Variants in BACH2 observed in about 807,000 individuals in gnomAD.
BACH2 encodes transcription regulator protein BACH2.
A neutral mutation model predicts 61.8 loss-of-function variants in BACH2; 5 were observed. The ratio of observed to expected loss-of-function variants is 0.08; its 90% CI spans 0.04 to 0.17. The LOEUF (loss-of-function observed/expected upper bound fraction) is 0.17. BACH2 is among the 10% of genes least tolerant of loss of function. The pLI, the probability that BACH2 is intolerant of heterozygous loss-of-function variation, is 1.00. For missense variants in BACH2, 824 were observed against 1,091.1 expected, an observed-to-expected ratio of 0.76 and a Z score of 3.45; for synonymous variants, 446 against 440.1, an observed-to-expected ratio of 1.01 and a Z score of -0.17.
At chr6:90,230,641 T>C (rs1489933528) in intron 3 of BACH2, among the ~76,000 whole-genome samples, 1 of 151,962 alleles carries the variant, frequency 6.6e-6, no homozygotes, top group Non-Finnish European at 1.5e-5. Context: ...TATTAAGAGG[T>C]CCCACTAACA....
At chr6:90,013,708 C>T (rs562890177) in intron 5 of BACH2, among the ~76,000 whole-genome samples, 1 of 152,062 alleles carries the variant, frequency 6.6e-6, no homozygotes, top group African/African-American at 2.4e-5. Context: ...CAGGGTTTCA[C>T]CATGTTAGCC....
At chr6:89,975,907 T>C (rs1372164845) in intron 6 of BACH2, among the ~76,000 whole-genome samples, 2 of 152,252 alleles carry the variant, frequency 1.3e-5, no homozygotes, top group African/African-American at 4.8e-5. Flanking sequence ...ATACAGTCTA[T>C]GTGTTTCAGG....
intron 4 of BACH2, among the ~76,000 whole-genome samples, chr6:90,123,220 G>C (rs892124641): frequency 1.3e-5 from 2 of 152,140 alleles, no homozygotes; most frequent in Admixed American, 6.5e-5. Context: ...AAGAGAAGAA[G>C]ACAGAAGTGG....
At chr6:90,017,524 A>G (rs964705443) in intron 5 of BACH2, among the ~76,000 whole-genome samples, 12 of 152,078 alleles carry the variant, frequency 7.9e-5, no homozygotes, top group African/African-American at 2.9e-4. Flanking sequence ...GCCTAGCCAC[A>G]TTGGTTATTT....
intron 4 of BACH2, among the ~76,000 whole-genome samples, chr6:90,092,210 T>C (rs1782186236): frequency 6.7e-6 from 1 of 149,658 alleles, no homozygotes; most frequent in African/African-American, 2.5e-5. Flanking sequence ...ATTTTAAAAA[T>C]ATACTTCGAA....
At chr6:90,158,765 T>TGG (rs35179212) in intron 4 of BACH2, among the ~76,000 whole-genome samples, 2,751 of 137,064 alleles carry the variant, frequency 0.02, 46 homozygotes, top group African/African-American at 0.047. Flanking sequence ...CTTCTTTTGG[T>TGG]GGGGGGGGGG....
chr6:90,096,222 G>A (rs1031911830), intron 4 of BACH2, among the ~76,000 whole-genome samples: 5 of 152,152 alleles, frequency 3.3e-5, no homozygotes, highest in African/African-American at 1.2e-4. Context: ...TGTCGTTTCT[G>A]TCCCTTGACT....
intron 5 of BACH2, among the ~76,000 whole-genome samples, chr6:90,069,816 CA>C (rs2127801171): frequency 6.6e-6 from 1 of 152,114 alleles, no homozygotes; most frequent in Non-Finnish European, 1.5e-5. Context: ...AAGATGGAAG[CA>C]GAGGAGGAAG....
chr6:90,116,278 G>A (rs1285852980), intron 4 of BACH2, among the ~76,000 whole-genome samples: 2 of 152,196 alleles, frequency 1.3e-5, no homozygotes, highest in East Asian at 1.9e-4. Flanking sequence ...TAAAGAAAAT[G>A]TGGTACATAT....
chr6:90,231,271 T>C (rs1274056036), intron 3 of BACH2, among the ~76,000 whole-genome samples: 1 of 152,346 alleles, frequency 6.6e-6, no homozygotes, highest in East Asian at 1.9e-4. Context: ...GCATACTTTT[T>C]ATCTATCAAG....
At chr6:90,128,156 C>G (rs1783935393) in intron 4 of BACH2, among the ~76,000 whole-genome samples, 1 of 152,188 alleles carries the variant, frequency 6.6e-6, no homozygotes, top group Middle Eastern at 3.2e-3. Context: ...GCACCAAACT[C>G]TCCTTTCTTT....
At chr6:89,997,679 T>G (rs149807186) in intron 6 of BACH2, among the ~76,000 whole-genome samples, 5 of 152,330 alleles carry the variant, frequency 3.3e-5, no homozygotes, top group Non-Finnish European at 2.9e-5. Context: ...TTCCTTACAC[T>G]TCTCTTTTCT....
chr6:90,082,768 A>T (rs907284556), intron 5 of BACH2, among the ~76,000 whole-genome samples: 5 of 152,192 alleles, frequency 3.3e-5, no homozygotes, highest in African/African-American at 4.8e-5. Flanking sequence ...ATAAAAGGAA[A>T]CAATTATTTT....
intron 4 of BACH2, among the ~76,000 whole-genome samples, chr6:90,096,236 C>T (rs1782376389): frequency 1.3e-5 from 2 of 152,144 alleles, no homozygotes; most frequent in South Asian, 4.1e-4. Flanking sequence ...CTTGACTATG[C>T]AAAGCCCTTG....
chr6:89,987,512 C>G (rs1475973103), intron 6 of BACH2, among the ~76,000 whole-genome samples: 1 of 152,068 alleles, frequency 6.6e-6, no homozygotes, highest in Non-Finnish European at 1.5e-5. Context: ...ATAAGAGTTG[C>G]CTTCAGAGAG....
chr6:90,188,997 A>G (rs1465003991), intron 4 of BACH2, among the ~76,000 whole-genome samples: 2 of 152,192 alleles, frequency 1.3e-5, no homozygotes, highest in Non-Finnish European at 2.9e-5. Context: ...TCTTTTTACA[A>G]AGTTTCCTAA....
chr6:90,039,669 C>A (rs1215413224), intron 5 of BACH2, among the ~76,000 whole-genome samples: 1 of 152,176 alleles, frequency 6.6e-6, no homozygotes, highest in Non-Finnish European at 1.5e-5. Context: ...CAGGCATAAG[C>A]CACTGCGCCT....
intron 1 of BACH2, among the ~76,000 whole-genome samples, chr6:90,295,774 G>A (rs964687225): frequency 3.2e-4 from 48 of 152,104 alleles, no homozygotes; most frequent in Non-Finnish European, 1.2e-4. Context: ...AGCTACGCGG[G>A]ACGCTTTCCG....
intron 6 of BACH2, among the ~76,000 whole-genome samples, chr6:89,958,502 T>C (rs909011402): frequency 3.3e-5 from 5 of 152,218 alleles, no homozygotes; most frequent in Admixed American, 6.5e-5. Flanking sequence ...AGTAAAACCT[T>C]TGGAACAGGA....
Sources: gnomAD v4.1 joint callset for allele counts (sites outside exome capture counted in the v4.1 genomes callset) on GRCh38, gnomAD v4.1.1 for gene constraint, MANE v1.5 for transcripts, NCBI Gene and HGNC (gene_info 2026-07-23, HGNC 2026-07-21) for gene names.